Variants in PTPRT observed in about 807,000 individuals in gnomAD.
The protein encoded by PTPRT is receptor-type tyrosine-protein phosphatase T.
A neutral mutation model predicts 176.8 loss-of-function variants in PTPRT; 56 were observed. The ratio of observed to expected loss-of-function variants is 0.32; its 90% CI spans 0.26 to 0.40. The LOEUF (loss-of-function observed/expected upper bound fraction) is 0.40, where lower values mean the gene tolerates loss of function less well. Among genes scored for constraint, PTPRT ranks in the 10% least tolerant of loss-of-function variants. The probability of loss-of-function intolerance (pLI) is 1.00; values close to 1 mark genes in which losing one functional copy is unlikely to be tolerated. For synonymous variants in PTPRT, 783 were observed against 739.0 expected (o/e 1.06, Z -0.96); for missense variants, 1,540 against 1,908.2 (o/e 0.81, Z 3.60).
intron 7 of PTPRT, among the ~76,000 whole-genome samples, chr20:42,537,000 T>C (rs1188310181): frequency 6.6e-6 from 1 of 152,150 alleles, no homozygotes; most frequent in Non-Finnish European, 1.5e-5. Flanking sequence ...ATATCTCTTG[T>C]GTGAAAGATA....
At chr20:42,825,256 A>C (rs1224686157) in intron 2 of PTPRT, among the ~76,000 whole-genome samples, 1 of 152,142 alleles carries the variant, frequency 6.6e-6, no homozygotes, top group Non-Finnish European at 1.5e-5. Context: ...TAGAAGACAT[A>C]ATGAGAAATC....
intron 1 of PTPRT, among the ~76,000 whole-genome samples, chr20:43,052,462 G>C (rs186041073): frequency 5.3e-5 from 8 of 152,324 alleles, no homozygotes; most frequent in South Asian, 2.1e-4. Flanking sequence ...TGTGGCCCCT[G>C]CCCTCAGGGA....
intron 7 of PTPRT, among the ~76,000 whole-genome samples, chr20:42,649,889 A>G (rs1225055098): frequency 6.6e-6 from 1 of 152,126 alleles, no homozygotes; most frequent in Non-Finnish European, 1.5e-5. Context: ...GGCAAGGCTT[A>G]CTTGCCTCAG....
chr20:42,748,447 A>G (rs1228530856), intron 6 of PTPRT, among the ~76,000 whole-genome samples: 1 of 152,142 alleles, frequency 6.6e-6, no homozygotes, highest in Admixed American at 6.5e-5. Flanking sequence ...TCCACTCCCT[A>G]TACAAGCACA....
rs187505610 is a variant in PTPRT, at chr20:42,514,489, C to A, written c.1154-41927G>T. 5.9e-5 allele frequency among the ~76,000 whole-genome samples: 9 copies of A among 152,224 alleles called. No individual in the cohort carries two copies. In the East Asian group the frequency reaches 1.7e-3, roughly 29 times the overall value. Reference sequence around the variant, plus strand: ...GATTCACTGAGATTCATGATTTACTCTAGATACTTATTTGTTGCTGGCTTT... The same window carrying A: ...GATTCACTGAGATTCATGATTTACTATAGATACTTATTTGTTGCTGGCTTT... On this transcript the variant is annotated intron_variant, in intron 7 of 30. Transcript: ENST00000373187.
At chr20:42,319,521 G>A (rs1173315001) in intron 11 of PTPRT, among the ~76,000 whole-genome samples, 1 of 152,078 alleles carries the variant, frequency 6.6e-6, no homozygotes, top group East Asian at 1.9e-4. Context: ...TTCACAGCCT[G>A]TCCATTCAAA....
At chr20:42,352,437 C>T in intron 9 of PTPRT, 152 bp from the exon 10 acceptor site, 2 of 692,948 alleles carry the variant, frequency 2.9e-6, no homozygotes, top group East Asian at 2.7e-5. Flanking sequence ...TTGCTGTCCA[C>T]TTTCCAGATG....
At chr20:42,384,323 G>C (rs1186597505) in intron 9 of PTPRT, among the ~76,000 whole-genome samples, 1 of 152,208 alleles carries the variant, frequency 6.6e-6, no homozygotes, top group African/African-American at 2.4e-5. Flanking sequence ...ACAAGGTTGT[G>C]TCAAAGCAAA....
the PTPRT span, among the ~76,000 whole-genome samples, chr20:42,055,463 C>T: frequency 6.6e-6 from 1 of 152,170 alleles, no homozygotes; most frequent in South Asian, 2.1e-4. Context: ...AGAGAGGGGG[C>T]AGAGCTGCAA....
intron 1 of PTPRT, among the ~76,000 whole-genome samples, chr20:42,894,289 G>A (rs751698215): frequency 2.1e-4 from 32 of 152,058 alleles, no homozygotes; most frequent in African/African-American, 7.2e-4. Context: ...GCTTGATAAC[G>A]GTTTGCAAGG....
At chr20:42,595,803 A>G (rs2073660603) in intron 7 of PTPRT, among the ~76,000 whole-genome samples, 1 of 152,120 alleles carries the variant, frequency 6.6e-6, no homozygotes, top group African/African-American at 2.4e-5. Context: ...TGCTTGTTGC[A>G]AGGACAAACA....
intron 1 of PTPRT, among the ~76,000 whole-genome samples, chr20:42,914,004 T>C (rs1242634273): frequency 2.0e-5 from 3 of 152,266 alleles, no homozygotes; most frequent in Admixed American, 6.5e-5. Context: ...ATAAATCCTA[T>C]TGTAGCATGG....
chr20:42,953,556 T>C (rs1161603559), intron 1 of PTPRT, among the ~76,000 whole-genome samples: 4 of 152,126 alleles, frequency 2.6e-5, no homozygotes, highest in African/African-American at 7.2e-5. Flanking sequence ...GGGGGAAGTA[T>C]CTTCTCACTT....
In PTPRT at chr20:43,119,949, G is replaced by A. The variant is rs369613872; in HGVS notation, c.88+69697C>T. 7.9e-5 allele frequency among the ~76,000 whole-genome samples: 12 copies of A among 152,176 alleles called. No individual in the cohort carries two copies. The East Asian group carries it at 1.7e-3, about 22-fold the overall frequency. Reference sequence around the variant, plus strand: ...CCCTGGTTAAGTCCCTGAAACCCTCGGGCTTAGCAACTTTATTCTTTTGGT... The same window carrying A: ...CCCTGGTTAAGTCCCTGAAACCCTCAGGCTTAGCAACTTTATTCTTTTGGT... On this transcript the variant is annotated intron_variant, in intron 1 of 30. Transcript: ENST00000373187.
At chr20:43,144,111 T>C (rs1204381421) in intron 1 of PTPRT, among the ~76,000 whole-genome samples, 16 of 152,182 alleles carry the variant, frequency 1.1e-4, no homozygotes, top group African/African-American at 3.9e-4. Flanking sequence ...CAGATATCCA[T>C]CCACTTCCAC....
intron 9 of PTPRT, among the ~76,000 whole-genome samples, chr20:42,356,320 A>G (rs1276651861): frequency 6.6e-6 from 1 of 152,136 alleles, no homozygotes; most frequent in Non-Finnish European, 1.5e-5. Context: ...CTGGCTGCAA[A>G]AAGTACTCAA....
chr20:43,085,310 T>C (rs908056230), intron 1 of PTPRT, among the ~76,000 whole-genome samples: 3 of 152,192 alleles, frequency 2.0e-5, no homozygotes, highest in Non-Finnish European at 4.4e-5. Context: ...ACAAGGTGTA[T>C]GGCATTCAAG....
intron 1 of PTPRT, among the ~76,000 whole-genome samples, chr20:43,078,577 C>T (rs1436261334): frequency 6.6e-6 from 1 of 152,098 alleles, no homozygotes. Flanking sequence ...AATGAAACAA[C>T]AAATGCAAGG....
At chr20:42,537,108 T>G (rs1050369362) in intron 7 of PTPRT, among the ~76,000 whole-genome samples, 2 of 152,148 alleles carry the variant, frequency 1.3e-5, no homozygotes, top group Non-Finnish European at 2.9e-5. Flanking sequence ...CCCTAAGTTT[T>G]AGAATATTAT....
Sources: allele counts gnomAD v4.1 joint callset (sites outside exome capture counted in the v4.1 genomes callset), GRCh38; gene constraint gnomAD v4.1.1; transcripts MANE v1.5; gene names NCBI Gene and HGNC (gene_info 2026-07-23, HGNC 2026-07-21).